The following ARID3B variants were observed in gnomAD, a reference collection of about 807,000 sequenced individuals.
ARID3B encodes AT-rich interaction domain 3B, also known as AT-rich interactive domain-containing protein 3B.
A neutral mutation model predicts 51.9 loss-of-function variants in ARID3B; 10 were observed. The observed-to-expected ratio is 0.19, with a 90% CI of 0.12 to 0.33. The LOEUF is 0.33. ARID3B is among the 10% of genes least tolerant of loss of function. The probability of loss-of-function intolerance (pLI) is 1.00; values close to 1 mark genes in which losing one functional copy is unlikely to be tolerated. For synonymous variants in ARID3B, 205 were observed against 279.5 expected (o/e 0.73, Z 2.66); for missense variants, 483 against 716.3 (o/e 0.67, Z 3.72).
At chr15:74,590,149 C>T (rs2061797992) in intron 5 of ARID3B, 146 bp downstream of exon 5, 1 of 953,878 alleles carries the variant, frequency 1.0e-6, no homozygotes, top group Non-Finnish European at 1.5e-6. Flanking sequence ...TGAGATGAAT[C>T]CCTCACTAAA....
At chr15:74,576,024 G>A (rs1411878272) in intron 4 of ARID3B, among the ~76,000 whole-genome samples, 1 of 152,174 alleles carries the variant, frequency 6.6e-6, no homozygotes, top group Non-Finnish European at 1.5e-5. Flanking sequence ...AGCCTCCTGA[G>A]TAGCTGGGAC....
At chr15:74,541,443 A>G (rs1821848) in intron 1 of ARID3B, 113 bp downstream of exon 1, 36,466 of 152,366 alleles carry the variant, frequency 0.24, 5,766 homozygotes, top group East Asian at 0.55. Context: ...GGAATGCGCG[A>G]GTCGGGGGCG....
intron 4 of ARID3B, among the ~76,000 whole-genome samples, chr15:74,587,396 T>C (rs187854609): frequency 5.9e-5 from 9 of 152,320 alleles, no homozygotes; most frequent in African/African-American, 2.2e-4. Context: ...GAGCCAGTGC[T>C]GACACGAGGT....
chr15:74,549,641 A>T (rs2061629140), intron 2 of ARID3B, among the ~76,000 whole-genome samples: 1 of 152,058 alleles, frequency 6.6e-6, no homozygotes, highest in Non-Finnish European at 1.5e-5. Context: ...AAAACTGTGC[A>T]AAGTATTGCC....
At chr15:74,575,559 T>C (rs2061734566) in intron 4 of ARID3B, among the ~76,000 whole-genome samples, 2 of 152,336 alleles carry the variant, frequency 1.3e-5, no homozygotes, top group South Asian at 4.1e-4. Context: ...TGCCCCGTAA[T>C]TGAGAGTCAG....
chr15:74,593,959 C>G (rs1289721571), intron 8 of ARID3B, among the ~76,000 whole-genome samples: 1 of 151,464 alleles, frequency 6.6e-6, no homozygotes, highest in Non-Finnish European at 1.5e-5. Flanking sequence ...AGGAGGATCA[C>G]TTGAGCCCAG....
chr15:74,552,921 TAA>T (rs1275138015), intron 2 of ARID3B, among the ~76,000 whole-genome samples: 4 of 152,228 alleles, frequency 2.6e-5, no homozygotes, highest in Non-Finnish European at 4.4e-5. Flanking sequence ...TGTGTAGATA[TAA>T]GTTTCAGTTT....
At chr15:74,571,675 C>T (rs2061719379) in intron 2 of ARID3B, among the ~76,000 whole-genome samples, 1 of 152,214 alleles carries the variant, frequency 6.6e-6, no homozygotes, top group African/African-American at 2.4e-5. Context: ...TTTCAAGGAG[C>T]TTACCATATG....
chr15:74,567,015 AT>A (rs565268569), intron 2 of ARID3B, among the ~76,000 whole-genome samples: 174 of 150,368 alleles, frequency 1.2e-3, no homozygotes, highest in African/African-American at 3.6e-3. Flanking sequence ...TGTTTCTGTT[AT>A]TTTTTTTTTC....
At chr15:74,594,927 G>A (rs886789246) in intron 8 of ARID3B, among the ~76,000 whole-genome samples, 4 of 152,222 alleles carry the variant, frequency 2.6e-5, no homozygotes, top group African/African-American at 4.8e-5. Flanking sequence ...CAGGGAAGTA[G>A]GAATTCAAGG....
Position 74,595,630 on chromosome 15 carries a change from G to T in ARID3B, c.1539G>T (p.Lys513Asn). Residue 513 changes from lysine (K) to asparagine (N), a missense_variant, in exon 9 of 9, where the codon AAG becomes AAT. Physicochemically the swap from Lys to Asn is moderately conservative, Grantham distance 94 (BLOSUM62 0). Around this residue, in one of 3 missense-constraint regions of ARID3B, gnomAD observed 265 missense variants for 354.4 expected, o/e 0.75. Transcript: ENST00000346246. ...ACCAAGGTGTGCTGTTTGCCCAGAA[G>T]CCTGTGGTCCACCTCATCACGGGGT... The part of the protein sequence containing the change: ...TTYAGVLFAQ[K>N]PVVHLITGSA... The T allele has an allele frequency of 6.2e-7, 1 of 1,612,954 alleles. No individual in the cohort carries two copies.
intron 1 of ARID3B, 58 bp from the exon 2 acceptor site, chr15:74,543,802 C>T (rs2061603309): frequency 1.7e-6 from 2 of 1,200,320 alleles, no homozygotes; most frequent in Non-Finnish European, 2.3e-6. Flanking sequence ...CTTTTTATAC[C>T]TGCTTAACAT....
intron 2 of ARID3B, among the ~76,000 whole-genome samples, chr15:74,563,348 G>A (rs2061686111): frequency 1.3e-5 from 2 of 152,222 alleles, no homozygotes; most frequent in African/African-American, 4.8e-5. Flanking sequence ...CACAAACTGT[G>A]ACTGTGTTCT....
intron 4 of ARID3B, among the ~76,000 whole-genome samples, chr15:74,584,907 C>A (rs572999707): frequency 1.3e-5 from 2 of 152,210 alleles, no homozygotes; most frequent in Non-Finnish European, 2.9e-5. Context: ...CTTTTACATC[C>A]GTCCCTCAGG....
intron 7 of ARID3B, among the ~76,000 whole-genome samples, chr15:74,592,595 C>T (rs539598713): frequency 4.6e-5 from 7 of 152,304 alleles, no homozygotes; most frequent in Admixed American, 2.6e-4. Flanking sequence ...GACAGCTCAC[C>T]GGGAAGAATT....
intron 2 of ARID3B, among the ~76,000 whole-genome samples, chr15:74,557,646 C>A (rs2061663631): frequency 6.6e-6 from 1 of 152,016 alleles, no homozygotes; most frequent in Admixed American, 6.6e-5. Context: ...TACAACTCTT[C>A]CTTTCGCTTG....
At position 74,597,504 on chromosome 15, in the gene ARID3B, C is replaced by T; in HGVS notation, c.*1730C>T. 1.9e-6 allele frequency: 1 copy of T among 535,170 alleles called. No homozygotes were observed. 33.2% of individuals were successfully genotyped at this position (535,170 alleles called of 1,614,324 possible). A position where few individuals can be genotyped will look rare whatever the true frequency, so the allele number is the denominator to read the frequency against. ...CTCCACACACACTCACCCCCACTCC[C>T]ACACACATACACACACACACACACA... On this transcript the variant is annotated 3_prime_UTR_variant, in exon 9 of 9. Transcript: ENST00000346246.
intron 2 of ARID3B, among the ~76,000 whole-genome samples, chr15:74,564,417 A>T (rs1295658365): frequency 2.0e-5 from 3 of 152,196 alleles, no homozygotes; most frequent in Non-Finnish European, 2.9e-5. Context: ...AGTAGTCACA[A>T]ATGTGGTATA....
chr15:74,579,854 T>C (rs1239195639), intron 4 of ARID3B, among the ~76,000 whole-genome samples: 1 of 144,722 alleles, frequency 6.9e-6, no homozygotes, highest in Admixed American at 6.7e-5. Flanking sequence ...TGTGTGTGTG[T>C]GTGTGTGTGT....
Sources: gnomAD v4.1 joint callset for allele counts (sites outside exome capture counted in the v4.1 genomes callset) on GRCh38, gnomAD v4.1.1 for gene constraint, gnomAD v4.1.1 regional missense constraint, MANE v1.5 for transcripts, NCBI Gene and HGNC (gene_info 2026-07-23, HGNC 2026-07-21) for gene names.